The following RFTN1 variants were observed in gnomAD, a reference collection of about 807,000 sequenced individuals.
The protein encoded by RFTN1 is raftlin, lipid raft linker 1.
RFTN1 carries 26 observed loss-of-function variants against 46.5 expected under a neutral mutation model. That is an observed-to-expected ratio of 0.56 (90% CI 0.41 to 0.78). RFTN1 has a LOEUF of 0.78. Among genes scored for constraint, RFTN1 ranks in the 30% least tolerant of loss-of-function variants. The pLI is 0.00. For missense variants in RFTN1, 693 were observed against 718.7 expected (o/e 0.96, Z 0.41); for synonymous variants, 261 against 284.2 (o/e 0.92, Z 0.82).
chr3:16,484,568 G>A lies in RFTN1; in HGVS notation c.145+9157C>T, dbSNP rs1347242536. The A allele has an allele frequency of 6.6e-6, 1 of 152,208 alleles. No homozygotes were observed. The highest frequency in any genetic ancestry group is 1.5e-5 in the Non-Finnish European group (1 of 68,034). The allele number at this position is 152,208 out of a possible 1,614,324, so 9.4% of individuals were successfully genotyped here. Reference sequence around the variant, plus strand: ...AATGCAGCAGTGTGGAATGATCCTCGAAATTGTAATGCGTGTCATGGGAAT... The same window carrying A: ...AATGCAGCAGTGTGGAATGATCCTCAAAATTGTAATGCGTGTCATGGGAAT... On this transcript the variant is annotated intron_variant, in intron 2 of 9. Coordinates refer to ENST00000334133, the MANE Select transcript of RFTN1 (RefSeq NM_015150.2). The surrounding 1 kb of genome is among the most constrained non-coding windows in gnomAD (Gnocchi z 4.6).
At position 16,506,704 on chromosome 3, in the gene RFTN1, A is replaced by G. The variant is rs1013337903; in HGVS notation, c.-9+6738T>C. On this transcript the variant is annotated intron_variant, in intron 1 of 9. Transcript: ENST00000334133. The surrounding 1 kb of genome is among the most constrained non-coding windows in gnomAD (Gnocchi z 4.8). The stretch of plus-strand genomic sequence containing the variant: ...GCAGAGGTATGCAGTAGGCCGCTGG[A>G]TGTACCATTTCGAGTTCAGAGGAGA... Among the ~76,000 whole-genome samples, 1 of 151,794 alleles carries G rather than the reference A, an allele frequency of 6.6e-6. No homozygotes were observed. Among genetic ancestry groups the G allele is most frequent in the African/African-American group, 2.4e-5 (1 of 41,308 alleles).
In RFTN1 at chr3:16,484,137, C is replaced by T. The variant is rs1183979048; in HGVS notation, c.145+9588G>A. Among the ~76,000 whole-genome samples, 1 of 152,202 alleles carries T rather than the reference C, an allele frequency of 6.6e-6. No individual in the cohort carries two copies. The highest frequency in any genetic ancestry group is 2.4e-5 in the African/African-American group (1 of 41,450). On this transcript the variant is annotated intron_variant, in intron 2 of 9. Transcript: ENST00000334133. This position sits in a 1 kb window ranked among gnomAD's most constrained non-coding sequence, Gnocchi z 4.6. The stretch of plus-strand genomic sequence containing the variant: ...ATTAGGCACCCAAACACTTAGCTCC[C>T]CACAACTTTCATTTCTTAATTTTCA...
Position 16,403,172 on chromosome 3 carries a change from C to A in RFTN1, c.441+6203G>T, listed in dbSNP as rs2074647124. On this transcript the variant is annotated intron_variant, in intron 4 of 9. Transcript: ENST00000334133. Reference sequence around the variant, plus strand: ...GCGTTATGGCCATTTGCCTCCTATGCTCAACCTCACATTCTGGCTCTGACA... The same window carrying A: ...GCGTTATGGCCATTTGCCTCCTATGATCAACCTCACATTCTGGCTCTGACA... Among the ~76,000 whole-genome samples the A allele has an allele frequency of 2.0e-5, 3 of 152,178 alleles. No individual in the cohort carries two copies. In the South Asian group the frequency reaches 6.2e-4, roughly 32 times the overall value.
At position 16,428,720 on chromosome 3, in the gene RFTN1, A is replaced by G. The variant is rs2075331163; in HGVS notation, c.332+5131T>C. 6.6e-6 allele frequency among the ~76,000 whole-genome samples: 1 copy of G among 152,216 alleles called. No homozygotes were observed. Among genetic ancestry groups the G allele is most frequent in the Non-Finnish European group, 1.5e-5 (1 of 68,036 alleles). ...CTAGCTCCATGTGTGTACAACGACAATTCAACAGCTGAAAAATGGCCAGCA... is the reference window on the plus strand; with the variant it reads ...CTAGCTCCATGTGTGTACAACGACAGTTCAACAGCTGAAAAATGGCCAGCA... On this transcript the variant is annotated intron_variant, in intron 3 of 9. Transcript: ENST00000334133. The surrounding 1 kb of genome is among the most constrained non-coding windows in gnomAD (Gnocchi z 4.7).
intron 6 of RFTN1, among the ~76,000 whole-genome samples, chr3:16,360,422 A>G (rs369860233): frequency 6.6e-6 from 1 of 152,232 alleles, no homozygotes; most frequent in South Asian, 2.1e-4. Flanking sequence ...CTGGAATTAC[A>G]GGCAAGAGCC....
At chr3:16,464,383 A>T (rs542493346) in intron 2 of RFTN1, among the ~76,000 whole-genome samples, 1 of 151,696 alleles carries the variant, frequency 6.6e-6, no homozygotes, top group South Asian at 2.1e-4. Context: ...TTAGCCCCCT[A>T]CTCCTCATTG....
intron 4 of RFTN1, among the ~76,000 whole-genome samples, chr3:16,379,282 A>G (rs565741386): frequency 3.0e-4 from 45 of 152,384 alleles, no homozygotes; most frequent in Admixed American, 2.4e-3. Context: ...TTTGTTCCAC[A>G]CTGCGCAACC....
At chr3:16,441,264 C>A (rs1291150293) in intron 2 of RFTN1, among the ~76,000 whole-genome samples, 1 of 88,892 alleles carries the variant, frequency 1.1e-5, no homozygotes. Flanking sequence ...CAGAAAATAA[C>A]TCCATATAAA....
chr3:16,398,120 G>A (rs1172542303), intron 4 of RFTN1, among the ~76,000 whole-genome samples: 7 of 151,946 alleles, frequency 4.6e-5, no homozygotes, highest in Non-Finnish European at 7.4e-5. Flanking sequence ...GGTGGCGGGC[G>A]CCTGTAATCC....
At position 16,413,062 on chromosome 3, in the gene RFTN1, C is replaced by A. The variant is rs1158705786; in HGVS notation, c.333-3579G>T. On this transcript the variant is annotated intron_variant, in intron 3 of 9. Transcript: ENST00000334133. The surrounding 1 kb of genome is among the most constrained non-coding windows in gnomAD (Gnocchi z 4.7). ...ATAATAAATACGTACCATTTTGAACCATGAAATGTGTTATCATTTATTACA... is the reference window on the plus strand; with the variant it reads ...ATAATAAATACGTACCATTTTGAACAATGAAATGTGTTATCATTTATTACA... Among the ~76,000 whole-genome samples, 2 of 152,216 alleles carry A rather than the reference C, an allele frequency of 1.3e-5. No individual in the cohort carries two copies. The highest frequency in any genetic ancestry group is 4.8e-5 in the African/African-American group (2 of 41,448).
At chr3:16,379,399 C>T (rs1469696162) in intron 4 of RFTN1, among the ~76,000 whole-genome samples, 6 of 152,260 alleles carry the variant, frequency 3.9e-5, no homozygotes, top group African/African-American at 1.2e-4. Flanking sequence ...CCTACTATGT[C>T]TAGGCATTGA....
At chr3:16,373,015 A>G (rs2073589921) in intron 5 of RFTN1, among the ~76,000 whole-genome samples, 1 of 152,150 alleles carries the variant, frequency 6.6e-6, no homozygotes, top group African/African-American at 2.4e-5. Flanking sequence ...AACTGTCCAA[A>G]AGTGATGTCC....
rs2125443841 is a variant in RFTN1, at chr3:16,407,296, C to T, written c.441+2079G>A. ...CTCCTGGGCTCAAGCAATTCTCTCGCCTCAGCCTCTAGAGTAGCTAGGACT... is the reference window on the plus strand; with the variant it reads ...CTCCTGGGCTCAAGCAATTCTCTCGTCTCAGCCTCTAGAGTAGCTAGGACT... On this transcript the variant is annotated intron_variant, in intron 4 of 9. Coordinates refer to ENST00000334133, the MANE Select transcript of RFTN1 (RefSeq NM_015150.2). The surrounding 1 kb of genome is among the most constrained non-coding windows in gnomAD (Gnocchi z 4.0). 6.6e-6 allele frequency among the ~76,000 whole-genome samples: 1 copy of T among 152,290 alleles called. No individual in the cohort carries two copies.
In RFTN1 at chr3:16,401,322, A is replaced by C. The variant is rs10544304; in HGVS notation, c.441+8053T>G. 5.3e-3 allele frequency among the ~76,000 whole-genome samples: 269 copies of C among 50,402 alleles called. 1 individual carries two copies. The highest frequency in any genetic ancestry group is 0.024 in the African/African-American group (162 of 6,664). 33.1% of individuals were successfully genotyped at this position (50,402 alleles called of 152,430 possible). On this transcript the variant is annotated intron_variant, in intron 4 of 9. Transcript: ENST00000334133. ...CTGGGCAACGGAATGAAGCCGTGTT[A>C]AAAAAAAAAAAAAAAAAGACGGGGT...
Position 16,459,454 on chromosome 3 carries a change from G to A in RFTN1, c.146-25417C>T, listed in dbSNP as rs1310378699. ...ACTTTAAAAATTTAAAAATGAGCCA[G>A]GAATAGCAGCGTGTGCCTTTATCCC... is the stretch of plus-strand genomic sequence containing the variant. On this transcript the variant is annotated intron_variant, in intron 2 of 9. Transcript: ENST00000334133. The surrounding 1 kb of genome is among the most constrained non-coding windows in gnomAD (Gnocchi z 4.2). Among the ~76,000 whole-genome samples the A allele has an allele frequency of 6.6e-6, 1 of 152,172 alleles. No homozygotes were observed. Among genetic ancestry groups the A allele is most frequent in the Non-Finnish European group, 1.5e-5 (1 of 68,042 alleles).
At chr3:16,357,231 C>CT (rs1224701481) in intron 7 of RFTN1, among the ~76,000 whole-genome samples, 2 of 152,114 alleles carry the variant, frequency 1.3e-5, no homozygotes, top group African/African-American at 2.4e-5. Flanking sequence ...GTACAAGAGA[C>CT]TAGGCTAAAA....
intron 4 of RFTN1, among the ~76,000 whole-genome samples, chr3:16,391,822 A>G (rs2074346609): frequency 6.7e-6 from 1 of 148,390 alleles, no homozygotes; most frequent in Non-Finnish European, 1.5e-5. Flanking sequence ...TATCAGAGCT[A>G]TAGGCAATCC....
chr3:16,482,729 A>G (rs1287426735), intron 2 of RFTN1: 2 of 1,510,338 alleles, frequency 1.3e-6, no homozygotes, highest in Non-Finnish European at 1.8e-6. Context: ...TACTGTTAAC[A>G]ATGATTATAT....
Position 16,473,577 on chromosome 3 carries a change from AT to A in RFTN1, c.145+20147del, listed in dbSNP as rs989001893. ...CGCCCTGCCTGGCTAATTTTTTTGT[AT>A]TTTTTTTTAGTAGAAACGGAGTTTC... On this transcript the variant is annotated intron_variant, in intron 2 of 9. Transcript: ENST00000334133. The surrounding 1 kb of genome is among the most constrained non-coding windows in gnomAD (Gnocchi z 5.3). Among the ~76,000 whole-genome samples the A allele has an allele frequency of 1.3e-5, 2 of 148,716 alleles. No individual in the cohort carries two copies.
Sources: gnomAD v4.1 joint callset for allele counts (sites outside exome capture counted in the v4.1 genomes callset) on GRCh38, gnomAD v4.1.1 for gene constraint, Gnocchi (gnomAD v3.1) non-coding constraint, MANE v1.5 for transcripts, NCBI Gene and HGNC (gene_info 2026-07-23, HGNC 2026-07-21) for gene names.